RAD51B: variants seen among roughly 807,000 people sequenced by gnomAD.
RAD51B encodes the protein RAD51 paralog B.
A neutral mutation model predicts 42.2 loss-of-function variants in RAD51B; 38 were observed. The ratio of observed to expected loss-of-function variants is 0.90; its 90% CI spans 0.70 to 1.18. RAD51B has a LOEUF of 1.18. Ranked by LOEUF, RAD51B falls within the 50% of genes most tolerant of loss-of-function variation. RAD51B has a pLI of 0.00. For synonymous variants in RAD51B, 154 were observed against 145.2 expected, an observed-to-expected ratio of 1.06 and a Z score of -0.43; for missense variants, 373 against 400.7, an observed-to-expected ratio of 0.93 and a Z score of 0.59.
chr14:68,401,028 G>A (rs902691786), intron 8 of RAD51B, among the ~76,000 whole-genome samples: 3 of 152,140 alleles, frequency 2.0e-5, no homozygotes, highest in Admixed American at 2.0e-4. Context: ...TTTTTATTCA[G>A]ACAATCTAGT....
intron 8 of RAD51B, among the ~76,000 whole-genome samples, chr14:68,304,227 G>T (rs969437610): frequency 1.3e-5 from 2 of 151,366 alleles, no homozygotes; most frequent in Non-Finnish European, 2.9e-5. Flanking sequence ...TTTTGCTAAT[G>T]ATTGCAATAA....
At chr14:68,680,833 C>T (rs1158201569) in intron 11 of RAD51B, among the ~76,000 whole-genome samples, 3 of 151,776 alleles carry the variant, frequency 2.0e-5, no homozygotes, top group Non-Finnish European at 4.4e-5. Context: ...AGAGTGAGGC[C>T]CAGAGGCGTT....
chr14:68,681,764 C>T lies in RAD51B; in HGVS notation c.*11+30908C>T, dbSNP rs796696010. On this transcript the variant is annotated intron_variant, in intron 11 of 11. Coordinates refer to the RAD51B transcript ENST00000488612. Reference sequence around the variant, plus strand: ...ATCAGTAGGCTTTGTAGTTCTCAGCCTCTCTCCTCTGTTGAAAGTGTGAGC... The same window carrying T: ...ATCAGTAGGCTTTGTAGTTCTCAGCTTCTCTCCTCTGTTGAAAGTGTGAGC... Among the ~76,000 whole-genome samples the T allele has an allele frequency of 4.6e-5, 7 of 152,290 alleles. 1 individual carries two copies. Among genetic ancestry groups the T allele is most frequent in the African/African-American group, 1.7e-4 (7 of 41,564 alleles).
chr14:68,532,101 T>A (rs1355798452), intron 10 of RAD51B, among the ~76,000 whole-genome samples: 2 of 152,204 alleles, frequency 1.3e-5, no homozygotes, highest in African/African-American at 4.8e-5. Flanking sequence ...CTCAACAAAT[T>A]TGTAAGAATT....
chr14:68,487,697 TGGG>T (rs1352673401), intron 10 of RAD51B, among the ~76,000 whole-genome samples: 9 of 151,974 alleles, frequency 5.9e-5, no homozygotes, highest in African/African-American at 1.9e-4. Flanking sequence ...TTAGTAAAGA[TGGG>T]GTTTTGCAAT....
intron 10 of RAD51B, among the ~76,000 whole-genome samples, chr14:68,584,760 A>G (rs1890375354): frequency 1.3e-5 from 2 of 152,198 alleles, no homozygotes; most frequent in Admixed American, 1.3e-4. Flanking sequence ...CATTTGGCCC[A>G]TGAATTATGT....
At chr14:68,333,897 T>C (rs911445334) in intron 8 of RAD51B, among the ~76,000 whole-genome samples, 1 of 152,184 alleles carries the variant, frequency 6.6e-6, no homozygotes, top group Non-Finnish European at 1.5e-5. Context: ...CTCATTGCAA[T>C]TGTGTATCCT....
At chr14:68,149,467 T>C (rs1034371137) in intron 7 of RAD51B, 5 of 152,270 alleles carry the variant, frequency 3.3e-5, no homozygotes, top group African/African-American at 1.2e-4. Context: ...TTGAATTGAC[T>C]TTGCTTCTTT....
chr14:68,280,725 A>T (rs924792976), intron 7 of RAD51B, among the ~76,000 whole-genome samples: 1 of 152,220 alleles, frequency 6.6e-6, no homozygotes, highest in African/African-American at 2.4e-5. Flanking sequence ...TGACATAAAA[A>T]GTCTTGTACT....
At chr14:68,007,638 T>C (rs2075612782) in intron 7 of RAD51B, among the ~76,000 whole-genome samples, 1 of 152,134 alleles carries the variant, frequency 6.6e-6, no homozygotes, top group African/African-American at 2.4e-5. Context: ...CATGTGCTGA[T>C]TGGATATTTA....
At chr14:68,034,755 C>T (rs1209940856) in intron 7 of RAD51B, among the ~76,000 whole-genome samples, 9 of 152,050 alleles carry the variant, frequency 5.9e-5, no homozygotes, top group African/African-American at 2.2e-4. Flanking sequence ...GTTACCCAGA[C>T]GAAGATTATA....
intron 7 of RAD51B, among the ~76,000 whole-genome samples, chr14:68,239,757 C>CAG (rs2080344099): frequency 6.6e-6 from 1 of 152,168 alleles, no homozygotes; most frequent in Admixed American, 6.5e-5. Context: ...ATATAACTAT[C>CAG]AGATATTCCA....
At chr14:68,419,186 G>A (rs139179021) in intron 9 of RAD51B, among the ~76,000 whole-genome samples, 4 of 152,260 alleles carry the variant, frequency 2.6e-5, no homozygotes, top group Admixed American at 6.5e-5. Flanking sequence ...ATGGCGGTAA[G>A]CAATTGATAT....
intron 7 of RAD51B, among the ~76,000 whole-genome samples, chr14:68,239,625 A>G (rs1308827612): frequency 6.6e-6 from 1 of 150,608 alleles, no homozygotes; most frequent in Non-Finnish European, 1.5e-5. Flanking sequence ...GTCTTCTTCC[A>G]CTCACCTATC....
chr14:68,562,866 G>C (rs141253945), intron 10 of RAD51B: 2 of 985,302 alleles, frequency 2.0e-6, no homozygotes, highest in Non-Finnish European at 2.4e-6. Flanking sequence ...CTCTGGAAGA[G>C]AGGAACTCAG....
intron 11 of RAD51B, among the ~76,000 whole-genome samples, chr14:68,652,755 T>C (rs951875248): frequency 6.6e-6 from 1 of 152,254 alleles, no homozygotes; most frequent in Non-Finnish European, 1.5e-5. Flanking sequence ...TCCATGGGCC[T>C]AGGTATCCAG....
At position 67,946,492 on chromosome 14, in the gene RAD51B, C is replaced by G. The variant is rs116920230; in HGVS notation, c.756+59288C>G. Reference sequence around the variant, plus strand: ...CAAGCAGTTCTCTGCTTCAGCCTCTCAAGTAGCTGGGGCTACAGGCACTCG... The same window carrying G: ...CAAGCAGTTCTCTGCTTCAGCCTCTGAAGTAGCTGGGGCTACAGGCACTCG... On this transcript the variant is annotated intron_variant, in intron 7 of 10. Coordinates refer to ENST00000471583, the MANE Select transcript of RAD51B (RefSeq NM_133510.4). Among the ~76,000 whole-genome samples, 24 of 152,222 alleles carry G rather than the reference C, an allele frequency of 1.6e-4. No individual in the cohort carries two copies. In the East Asian group the frequency reaches 4.6e-3, roughly 29 times the overall value.
intron 8 of RAD51B, among the ~76,000 whole-genome samples, chr14:68,301,006 G>A (rs1391274694): frequency 1.3e-5 from 2 of 152,140 alleles, no homozygotes; most frequent in Non-Finnish European, 2.9e-5. Flanking sequence ...TACCCTCAGG[G>A]GAGTGTCTGA....
chr14:67,914,936 A>G (rs1319635632), intron 7 of RAD51B, among the ~76,000 whole-genome samples: 5 of 152,196 alleles, frequency 3.3e-5, no homozygotes, highest in Non-Finnish European at 4.4e-5. Flanking sequence ...TCCAAAACAC[A>G]TGGTCTGAGA....
Sources: gnomAD v4.1 joint callset for allele counts (sites outside exome capture counted in the v4.1 genomes callset) on GRCh38, gnomAD v4.1.1 for gene constraint, MANE v1.5 for transcripts, NCBI Gene and HGNC (gene_info 2026-07-23, HGNC 2026-07-21) for gene names.